The following LRBA variants were observed in gnomAD, a reference collection of about 807,000 sequenced individuals.
LRBA encodes the protein lipopolysaccharide-responsive and beige-like anchor protein.
A neutral mutation model predicts 330.0 loss-of-function variants in LRBA; 176 were observed. That is an observed-to-expected ratio of 0.53 (90% CI 0.47 to 0.60). The LOEUF (loss-of-function observed/expected upper bound fraction) is 0.60, where lower values mean the gene tolerates loss of function less well. Ranked by LOEUF, LRBA falls within the 20% of genes least tolerant of loss-of-function variation. The pLI is 0.00. For synonymous variants in LRBA, 1,230 were observed against 1,193.0 expected (o/e 1.03, Z -0.64); for missense variants, 3,259 against 3,444.8 (o/e 0.95, Z 1.35).
At chr4:150,516,567 A>G (rs1304131123) in intron 40 of LRBA, among the ~76,000 whole-genome samples, 3 of 152,212 alleles carry the variant, frequency 2.0e-5, no homozygotes, top group African/African-American at 7.2e-5. Context: ...CAATACTTAT[A>G]AAATAAAAAA....
intron 2 of LRBA, among the ~76,000 whole-genome samples, chr4:150,932,474 C>G (rs1042436758): frequency 6.6e-6 from 1 of 151,824 alleles, no homozygotes. Context: ...TAAAAATACA[C>G]TAATATACCA....
rs1731588727 is a variant in LRBA at position 150,908,483 on chromosome 4, A to G, written c.1360-16T>C. On this transcript the variant is annotated splice_polypyrimidine_tract_variant and intron_variant, in intron 10 of 56. Coordinates refer to ENST00000651943, the MANE Select transcript of LRBA (RefSeq NM_001364905.1). ...CCTTTACATCCTTGTAAGATCAAAA[A>G]CACAGTAAAGAGTTCAATGATTTTT... 1.3e-6 allele frequency: 2 copies of G among 1,579,802 alleles called. No individual in the cohort carries two copies. Among genetic ancestry groups the G allele is most frequent in the South Asian group, 2.4e-5 (2 of 84,704 alleles).
intron 37 of LRBA, among the ~76,000 whole-genome samples, chr4:150,669,028 A>C (rs1448722311): frequency 6.6e-6 from 1 of 152,144 alleles, no homozygotes; most frequent in Admixed American, 6.5e-5. Flanking sequence ...AAAACCAGTC[A>C]TTGTGATGAT....
chr4:150,829,338 A>T (rs930144712), intron 29 of LRBA, among the ~76,000 whole-genome samples: 1 of 152,272 alleles, frequency 6.6e-6, no homozygotes, highest in South Asian at 2.1e-4. Flanking sequence ...TAATTCAATG[A>T]TCCTTAAAAT....
chr4:150,473,084 T>TA (rs1417671865), intron 42 of LRBA, among the ~76,000 whole-genome samples: 1 of 152,184 alleles, frequency 6.6e-6, no homozygotes, highest in East Asian at 1.9e-4. Flanking sequence ...GCTATACCAC[T>TA]ATATGTTCCA....
intron 40 of LRBA, among the ~76,000 whole-genome samples, chr4:150,561,912 G>T (rs778494866): frequency 1.3e-4 from 19 of 151,982 alleles, no homozygotes; most frequent in Non-Finnish European, 2.8e-4. Flanking sequence ...AGCATATATA[G>T]ATTCCCACAT....
chr4:150,831,823 G>A lies in LRBA; in HGVS notation c.4723C>T (p.Leu1575Phe), dbSNP rs1182264315. The A allele has an allele frequency of 2.7e-5, 43 of 1,592,032 alleles. No homozygotes were observed. The highest frequency in any genetic ancestry group is 3.4e-5 in the Non-Finnish European group (40 of 1,169,658). Residue 1575 changes from leucine to phenylalanine, a missense_variant, in exon 29 of 57, where the codon CTC becomes TTC. By Grantham distance (22) the Leu-to-Phe change is conservative. Transcript: ENST00000651943. ...ETGSENENVSLSEITPAAFST... is the reference protein window; with the variant it reads ...ETGSENENVSFSEITPAAFST... ...ATAGAAAATGCAAACTTACCAGAGAGTGATACATTCTCATTTTCACTGCCA... is the reference window on the plus strand; with the variant it reads ...ATAGAAAATGCAAACTTACCAGAGAATGATACATTCTCATTTTCACTGCCA...
At chr4:150,991,184 A>G (rs550358369) in intron 2 of LRBA, among the ~76,000 whole-genome samples, 4 of 152,302 alleles carry the variant, frequency 2.6e-5, no homozygotes, top group African/African-American at 9.6e-5. Flanking sequence ...TAGAATGACT[A>G]AAATTTAAAA....
intron 30 of LRBA, among the ~76,000 whole-genome samples, chr4:150,827,083 A>G (rs976167512): frequency 4.6e-5 from 7 of 152,226 alleles, no homozygotes; most frequent in African/African-American, 1.7e-4. Flanking sequence ...ACTAACAGAT[A>G]CCACAAGAAC....
chr4:150,486,646 TTCA>T (rs1333662061), intron 42 of LRBA, among the ~76,000 whole-genome samples: 3 of 151,832 alleles, frequency 2.0e-5, no homozygotes, highest in African/African-American at 4.8e-5. Context: ...ACCTCATATA[TTCA>T]TCATTTTTTG....
At chr4:150,557,482 T>TC (rs1052396915) in intron 40 of LRBA, among the ~76,000 whole-genome samples, 1 of 151,908 alleles carries the variant, frequency 6.6e-6, no homozygotes, top group African/African-American at 2.4e-5. Flanking sequence ...CATCAGTTTT[T>TC]CTCTCAAGCT....
At position 150,929,038 on chromosome 4, in the gene LRBA, T is replaced by A; in HGVS notation, c.244A>T (p.Met82Leu). 6.2e-7 allele frequency: 1 copy of A among 1,613,198 alleles called. No homozygotes were observed. Among genetic ancestry groups the A allele is most frequent in the Non-Finnish European group, 8.5e-7 (1 of 1,179,836 alleles). ...TCACCTTCTTGGATAATGAAATTCA[T>A]TTCCAGATCAAACTGTCCTCCTACC... ...LLVGGQFDLE[M>L]NFIIQEGESI... The change falls in exon 3 of 57, where the codon ATG (methionine) becomes TTG (leucine). Residue 82 changes from methionine to leucine, a missense_variant. By Grantham distance (15) the Met-to-Leu change is conservative. Transcript: ENST00000651943.
chr4:150,447,275 G>A (rs902704979), intron 44 of LRBA, among the ~76,000 whole-genome samples: 1 of 152,176 alleles, frequency 6.6e-6, no homozygotes, highest in African/African-American at 2.4e-5. Flanking sequence ...TTCTTGGTAT[G>A]TCTGTGAAGA....
At chr4:150,874,053 C>T (rs1439772644) in intron 17 of LRBA, among the ~76,000 whole-genome samples, 2 of 152,056 alleles carry the variant, frequency 1.3e-5, no homozygotes, top group Non-Finnish European at 2.9e-5. Flanking sequence ...AAAAATTAAA[C>T]CTTTTAAAAG....
At chr4:150,936,309 T>C (rs960989146) in intron 2 of LRBA, among the ~76,000 whole-genome samples, 3 of 151,854 alleles carry the variant, frequency 2.0e-5, no homozygotes, top group African/African-American at 7.2e-5. Flanking sequence ...AGAGGAAAAA[T>C]TCAAAACTGA....
At chr4:150,537,843 T>C (rs542026068) in intron 40 of LRBA, among the ~76,000 whole-genome samples, 1 of 151,932 alleles carries the variant, frequency 6.6e-6, no homozygotes, top group Non-Finnish European at 1.5e-5. Context: ...TAGTCCCAGC[T>C]ATTTGGGAGG....
At chr4:150,600,421 T>C (rs911783166) in intron 37 of LRBA, among the ~76,000 whole-genome samples, 2 of 152,172 alleles carry the variant, frequency 1.3e-5, no homozygotes, top group Admixed American at 6.5e-5. Flanking sequence ...AAATTCAAAA[T>C]AGGTTTATAA....
intron 51 of LRBA, among the ~76,000 whole-genome samples, chr4:150,313,424 A>C (rs1336090271): frequency 6.6e-6 from 1 of 152,126 alleles, no homozygotes; most frequent in Non-Finnish European, 1.5e-5. Flanking sequence ...AACTATTTGA[A>C]CTTGTGATGA....
rs187816593 is a variant in LRBA at position 150,822,478 on chromosome 4, G to A, written c.5172-5221C>T. Among the ~76,000 whole-genome samples the A allele has an allele frequency of 2.0e-5, 3 of 152,260 alleles. No homozygotes were observed. The East Asian group carries it at 5.8e-4, about 29-fold the overall frequency. On this transcript the variant is annotated intron_variant, in intron 30 of 56. Coordinates refer to ENST00000651943, the MANE Select transcript of LRBA (RefSeq NM_001364905.1). ...CAAATCTAAATAAATTATAAAAATT[G>A]AGAATAGACAGGGCACAGTGGCTCA...
Sources: allele counts gnomAD v4.1 joint callset (sites outside exome capture counted in the v4.1 genomes callset), GRCh38; gene constraint gnomAD v4.1.1; transcripts MANE v1.5; gene names NCBI Gene and HGNC (gene_info 2026-07-23, HGNC 2026-07-21).